Variants in TIMM13 observed in about 807,000 individuals in gnomAD.
TIMM13 encodes the protein mitochondrial import inner membrane translocase subunit Tim13.
In TIMM13, 8 loss-of-function variants were observed where a neutral mutation model predicts 10.9. The ratio of observed to expected loss-of-function variants is 0.73; its 90% CI spans 0.43 to 1.32. The LOEUF (loss-of-function observed/expected upper bound fraction) is 1.32, where lower values mean the gene tolerates loss of function less well. Among genes scored for constraint, TIMM13 ranks in the 40% most tolerant of loss-of-function variants. The pLI is 0.01. For missense variants in TIMM13, 147 were observed against 132.8 expected (o/e 1.11, Z -0.53); for synonymous variants, 68 against 52.5 (o/e 1.30, Z -1.28).
At position 2,426,877 on chromosome 19, in the gene TIMM13, G is replaced by A. The variant is rs1599325525; in HGVS notation, c.*71C>T. The stretch of plus-strand genomic sequence containing the variant: ...CTCCTAAGCCCCGGGCAGGCAGTAC[G>A]TACATGCGGACCCCGCCTCTCAAAG... On this transcript the variant is annotated 3_prime_UTR_variant, in exon 3 of 3. Transcript: ENST00000215570. 1.4e-6 allele frequency: 2 copies of A among 1,454,390 alleles called. No homozygotes were observed. The highest frequency in any genetic ancestry group is 1.2e-5 in the South Asian group (1 of 82,332). The allele number at this position is 1,454,390 out of a possible 1,614,324, so 90.1% of individuals were successfully genotyped here. A position where few individuals can be genotyped will look rare whatever the true frequency, so the allele number is the denominator to read the frequency against.
Position 2,426,740 on chromosome 19 carries a change from T to G in TIMM13, c.*208A>C. The stretch of plus-strand genomic sequence containing the variant: ...GAGGTGCCACTGGGCTGCCAGCACT[T>G]CAGGAAGGCACAGGGCCCCACACCC... On this transcript the variant is annotated 3_prime_UTR_variant, in exon 3 of 3. Transcript: ENST00000215570. The G allele has an allele frequency of 9.8e-6, 6 of 611,392 alleles. No individual in the cohort carries two copies. The South Asian group carries it at 1.1e-4, about 12-fold the overall frequency. 37.9% of individuals were successfully genotyped at this position (611,392 alleles called of 1,614,324 possible).
rs975368819 is a variant in TIMM13, at chr19:2,426,557, G to A, written c.*391C>T. The A allele has an allele frequency of 9.8e-5, 32 of 326,096 alleles. 1 individual carries two copies. The highest frequency in any genetic ancestry group is 5.7e-5 in the Non-Finnish European group (10 of 174,142). The allele number at this position is 326,096 out of a possible 1,614,324, so 20.2% of individuals were successfully genotyped here. A position where few individuals can be genotyped will look rare whatever the true frequency, so the allele number is the denominator to read the frequency against. On this transcript the variant is annotated 3_prime_UTR_variant, in exon 3 of 3. Transcript: ENST00000215570. Reference sequence around the variant, plus strand: ...AGACCCCTCAGGAGGGAAATAAAGAGGTTTCTCTCCGTCCTCCACCAATTT... The same window carrying A: ...AGACCCCTCAGGAGGGAAATAAAGAAGTTTCTCTCCGTCCTCCACCAATTT...
chr19:2,427,394 G>A lies in TIMM13; in HGVS notation c.120+20C>T. 6.2e-7 allele frequency: 1 copy of A among 1,611,848 alleles called. No homozygotes were observed. Among genetic ancestry groups the A allele is most frequent in the Non-Finnish European group, 8.5e-7 (1 of 1,179,206 alleles). On this transcript the variant is annotated intron_variant, in intron 1 of 2. Transcript: ENST00000215570. Reference sequence around the variant, plus strand: ...GGTGGCCCTGTCGCCCCCAGCGCCCGTCCCCGGCCAGCCCCGCACCTGCAG... The same window carrying A: ...GGTGGCCCTGTCGCCCCCAGCGCCCATCCCCGGCCAGCCCCGCACCTGCAG...
chr19:2,427,160 C>A, intron 2 of TIMM13, 96 bp downstream of exon 2: 3 of 1,571,084 alleles, frequency 1.9e-6, no homozygotes, highest in Non-Finnish European at 1.7e-6. Flanking sequence ...AGTGACCACT[C>A]CGTCGCACCT....
rs762440994 is a variant in TIMM13 at position 2,425,982 on chromosome 19, C to G, written c.*966G>C. ...GAGCCCTCTGGACGGTGGGTGCTAA[C>G]TGGGGTCACTAGCTGGGGCTATGGC... is the stretch of plus-strand genomic sequence containing the variant. On this transcript the variant is annotated 3_prime_UTR_variant, in exon 3 of 3. Coordinates refer to ENST00000215570, the MANE Select transcript of TIMM13 (RefSeq NM_012458.4). 3.7e-6 allele frequency: 6 copies of G among 1,608,364 alleles called. No homozygotes were observed. The highest frequency in any genetic ancestry group is 4.2e-6 in the Non-Finnish European group (5 of 1,178,220).
In TIMM13 at chr19:2,427,474, C is replaced by T; in HGVS notation, c.60G>A (p.Gly20=). ...GCACTTTCACCTGCTCCATTATGAG[C>T]CCTGGGTCCAGCTTCCCGCTGCCGG... ...GGSGSGKLDP[G]LIMEQVKVQI... The change falls in exon 1 of 3, where the codon GGG becomes GGA. Residue 20 remains glycine, a synonymous_variant. Transcript: ENST00000215570. 6.2e-7 allele frequency: 1 copy of T among 1,612,588 alleles called. No individual in the cohort carries two copies. Among genetic ancestry groups the T allele is most frequent in the Non-Finnish European group, 8.5e-7 (1 of 1,179,660 alleles).
rs765072443 is a variant in TIMM13, at chr19:2,426,688, C to T, written c.*260G>A. The T allele has an allele frequency of 5.5e-5, 32 of 579,338 alleles. No individual in the cohort carries two copies. Among genetic ancestry groups the T allele is most frequent in the South Asian group, 3.1e-4 (15 of 48,868 alleles). The allele number at this position is 579,338 out of a possible 1,614,324, so 35.9% of individuals were successfully genotyped here. ...AGAATATGAGGCTGACTTGGGCACACTAGGGGAATACCCCAAAGGCCTGAA... is the reference window on the plus strand; with the variant it reads ...AGAATATGAGGCTGACTTGGGCACATTAGGGGAATACCCCAAAGGCCTGAA... On this transcript the variant is annotated 3_prime_UTR_variant, in exon 3 of 3. Transcript: ENST00000215570.
rs1971631085 is a variant in TIMM13 at position 2,426,275 on chromosome 19, G to GTGT, written c.*672_*673insACA. 2 of 327,518 alleles carry GTGT rather than the reference G, an allele frequency of 6.1e-6. No individual in the cohort carries two copies. Among genetic ancestry groups the GTGT allele is most frequent in the Non-Finnish European group, 9.2e-6 (2 of 218,164 alleles). The allele number at this position is 327,518 out of a possible 1,614,324, so 20.3% of individuals were successfully genotyped here. ...CCCTCCACCCTAGCTCACTGGCTCA[G>GTGT]CACCTCAGTGTCACAGCGAGGACCA... On this transcript the variant is annotated 3_prime_UTR_variant, in exon 3 of 3. Coordinates refer to ENST00000215570, the MANE Select transcript of TIMM13 (RefSeq NM_012458.4).
Position 2,426,003 on chromosome 19 carries a change from A to G in TIMM13, c.*945T>C, listed in dbSNP as rs753887257. On this transcript the variant is annotated 3_prime_UTR_variant, in exon 3 of 3. Transcript: ENST00000215570. ...CTAACTGGGGTCACTAGCTGGGGCT[A>G]TGGCTGTGGCCGGCCCCACTTCCCA... 56 of 1,607,222 alleles carry G rather than the reference A, an allele frequency of 3.5e-5. No homozygotes were observed. Among genetic ancestry groups the G allele is most frequent in the Non-Finnish European group, 4.3e-5 (51 of 1,177,782 alleles).
rs922373498 is a variant in TIMM13 at position 2,426,343 on chromosome 19, G to A, written c.*605C>T. ...CAGGACCCGGGGTGGAACGAAGCAG[G>A]GTCAAAGCAAGCCCTGACAAGGGGA... On this transcript the variant is annotated 3_prime_UTR_variant, in exon 3 of 3. Coordinates refer to ENST00000215570, the MANE Select transcript of TIMM13 (RefSeq NM_012458.4). 1.1e-5 allele frequency: 5 copies of A among 465,804 alleles called. No individual in the cohort carries two copies. Among genetic ancestry groups the A allele is most frequent in the African/African-American group, 8.3e-5 (4 of 48,298 alleles). The allele number at this position is 465,804 out of a possible 1,614,324, so 28.9% of individuals were successfully genotyped here. A position where few individuals can be genotyped will look rare whatever the true frequency, so the allele number is the denominator to read the frequency against.
chr19:2,425,924 C>T lies in TIMM13; in HGVS notation c.*1024G>A. ...TGAACCCCCTTTCTTCTCTCCCCAA[C>T]AGGGTGACGCTGGGGGACCCCTGGC... is the stretch of plus-strand genomic sequence containing the variant. On this transcript the variant is annotated 3_prime_UTR_variant, in exon 3 of 3. Coordinates refer to ENST00000215570, the MANE Select transcript of TIMM13 (RefSeq NM_012458.4). 1 of 1,589,742 alleles carries T rather than the reference C, an allele frequency of 6.3e-7. No individual in the cohort carries two copies. Among genetic ancestry groups the T allele is most frequent in the Non-Finnish European group, 8.5e-7 (1 of 1,172,292 alleles).
At position 2,426,224 on chromosome 19, in the gene TIMM13, C is replaced by T. The variant is rs1390416103; in HGVS notation, c.*724G>A. The T allele has an allele frequency of 9.5e-6, 11 of 1,161,828 alleles. No homozygotes were observed. Among genetic ancestry groups the T allele is most frequent in the Non-Finnish European group, 1.3e-5 (11 of 841,854 alleles). 72.0% of individuals were successfully genotyped at this position (1,161,828 alleles called of 1,614,324 possible). ...TGGGTCATGGGGATGCATTTTGGTA[C>T]CACCCTTTGTTCCAATAAACACAGC... On this transcript the variant is annotated 3_prime_UTR_variant, in exon 3 of 3. Transcript: ENST00000215570.
rs1250242705 is a variant in TIMM13 at position 2,426,595 on chromosome 19, G to A, written c.*353C>T. ...CCTCCACCAATTTATTTGCCCATCC[G>A]CAGGAGGTGACAGCTCCTGTGGTGT... On this transcript the variant is annotated 3_prime_UTR_variant, in exon 3 of 3. Transcript: ENST00000215570. The A allele has an allele frequency of 5.2e-6, 2 of 382,322 alleles. No homozygotes were observed. The highest frequency in any genetic ancestry group is 9.6e-6 in the Non-Finnish European group (2 of 208,650). The allele number at this position is 382,322 out of a possible 1,614,324, so 23.7% of individuals were successfully genotyped here. A position where few individuals can be genotyped will look rare whatever the true frequency, so the allele number is the denominator to read the frequency against.
In TIMM13 at chr19:2,426,449, G is replaced by A. The variant is rs72971486; in HGVS notation, c.*499C>T. 1.6e-3 allele frequency: 472 copies of A among 294,010 alleles called. No individual in the cohort carries two copies. Among genetic ancestry groups the A allele is most frequent in the Non-Finnish European group, 2.3e-3 (358 of 155,950 alleles). The allele number at this position is 294,010 out of a possible 1,614,324, so 18.2% of individuals were successfully genotyped here. A position where few individuals can be genotyped will look rare whatever the true frequency, so the allele number is the denominator to read the frequency against. On this transcript the variant is annotated 3_prime_UTR_variant, in exon 3 of 3. Coordinates refer to ENST00000215570, the MANE Select transcript of TIMM13 (RefSeq NM_012458.4). ...GACTCAGCAGCCCGGTGGCACTAAGGGGAAAGATGGACTTCTCCCAACCCA... is the reference window on the plus strand; with the variant it reads ...GACTCAGCAGCCCGGTGGCACTAAGAGGAAAGATGGACTTCTCCCAACCCA...
In TIMM13 at chr19:2,425,947, G is replaced by C. The variant is rs749385990; in HGVS notation, c.*1001C>G. 5 of 1,601,338 alleles carry C rather than the reference G, an allele frequency of 3.1e-6. No homozygotes were observed. Among genetic ancestry groups the C allele is most frequent in the Non-Finnish European group, 4.3e-6 (5 of 1,176,022 alleles). ...AACAGGGTGACGCTGGGGGACCCCT[G>C]GCCTGCAGGGAGCCCTCTGGACGGT... On this transcript the variant is annotated 3_prime_UTR_variant, in exon 3 of 3. Transcript: ENST00000215570.
Position 2,426,567 on chromosome 19 carries a change from C to T in TIMM13, c.*381G>A, listed in dbSNP as rs554524711. 8.8e-6 allele frequency: 3 copies of T among 341,392 alleles called. No homozygotes were observed. The highest frequency in any genetic ancestry group is 5.9e-5 in the East Asian group (1 of 16,968). 21.1% of individuals were successfully genotyped at this position (341,392 alleles called of 1,614,324 possible). On this transcript the variant is annotated 3_prime_UTR_variant, in exon 3 of 3. Coordinates refer to ENST00000215570, the MANE Select transcript of TIMM13 (RefSeq NM_012458.4). Reference sequence around the variant, plus strand: ...GGAGGGAAATAAAGAGGTTTCTCTCCGTCCTCCACCAATTTATTTGCCCAT... The same window carrying T: ...GGAGGGAAATAAAGAGGTTTCTCTCTGTCCTCCACCAATTTATTTGCCCAT...
intron 1 of TIMM13, 28 bp from the exon 2 acceptor site, chr19:2,427,352 C>T (rs372499914): frequency 1.6e-4 from 251 of 1,612,650 alleles, no homozygotes; most frequent in Middle Eastern, 1.6e-4. Context: ...GCTTTAGCCG[C>T]GACGTCGGCC....
rs753582776 is a variant in TIMM13 at position 2,426,083 on chromosome 19, G to A, written c.*865C>T. The A allele has an allele frequency of 3.1e-6, 5 of 1,601,794 alleles. No homozygotes were observed. Among genetic ancestry groups the A allele is most frequent in the African/African-American group, 2.7e-5 (2 of 73,230 alleles). Reference sequence around the variant, plus strand: ...AGGCTGGATAGGACAGCACATCCAGGAGTGACCACCACGTGACTGCCCAGG... The same window carrying A: ...AGGCTGGATAGGACAGCACATCCAGAAGTGACCACCACGTGACTGCCCAGG... On this transcript the variant is annotated 3_prime_UTR_variant, in exon 3 of 3. Transcript: ENST00000215570.
rs1249298376 is a variant in TIMM13 at position 2,425,808 on chromosome 19, T to C, written c.*1140A>G. 2.2e-6 allele frequency: 3 copies of C among 1,373,382 alleles called. No individual in the cohort carries two copies. The highest frequency in any genetic ancestry group is 9.7e-7 in the Non-Finnish European group (1 of 1,035,570). The allele number at this position is 1,373,382 out of a possible 1,614,324, so 85.1% of individuals were successfully genotyped here. A position where few individuals can be genotyped will look rare whatever the true frequency, so the allele number is the denominator to read the frequency against. On this transcript the variant is annotated 3_prime_UTR_variant, in exon 3 of 3. Coordinates refer to ENST00000215570, the MANE Select transcript of TIMM13 (RefSeq NM_012458.4). ...CTTTGCATTGAGCCCATTTTCCAGATAGTGAAAATGCGGCTCCCAGGGGAA... is the reference window on the plus strand; with the variant it reads ...CTTTGCATTGAGCCCATTTTCCAGACAGTGAAAATGCGGCTCCCAGGGGAA...
Sources: gnomAD v4.1 joint callset for allele counts on GRCh38, gnomAD v4.1.1 for gene constraint, MANE v1.5 for transcripts, NCBI Gene and HGNC (gene_info 2026-07-23, HGNC 2026-07-21) for gene names.